AGAP1: variants seen among roughly 807,000 people sequenced by gnomAD.
AGAP1 encodes arf-GAP with GTPase, ANK repeat and PH domain-containing protein 1.
Under a neutral mutation model 105.3 loss-of-function variants are expected in AGAP1, and 29 were observed. The observed-to-expected ratio is 0.28, with a 90% CI of 0.21 to 0.38. The LOEUF is 0.38. AGAP1 is among the 10% of genes least tolerant of loss of function. AGAP1 has a pLI of 1.00. For synonymous variants in AGAP1, 509 were observed against 485.9 expected (o/e 1.05, Z -0.63); for missense variants, 998 against 1,165.1 (o/e 0.86, Z 2.09).
At position 236,082,468 on chromosome 2, in the gene AGAP1, AG is replaced by A. The variant is rs2125839070; in HGVS notation, c.2114+33188del. Reference sequence around the variant, plus strand: ...TGCCCATTTGATCTCTCAGGGAGGGAGAGCTTTTCCTAAGCATCGATCCCCT... The same window carrying A: ...TGCCCATTTGATCTCTCAGGGAGGGAAGCTTTTCCTAAGCATCGATCCCCT... On this transcript the variant is annotated intron_variant, in intron 16 of 17. Transcript: ENST00000304032. This position sits in a 1 kb window ranked among gnomAD's most constrained non-coding sequence, Gnocchi z 4.2. Among the ~76,000 whole-genome samples, 1 of 151,092 alleles carries A rather than the reference AG, an allele frequency of 6.6e-6. No individual in the cohort carries two copies. The highest frequency in any genetic ancestry group is 1.9e-4 in the East Asian group (1 of 5,168).
At chr2:235,972,819 G>A (rs1291737523) in intron 13 of AGAP1, among the ~76,000 whole-genome samples, 1 of 152,184 alleles carries the variant, frequency 6.6e-6, no homozygotes, top group Non-Finnish European at 1.5e-5. Flanking sequence ...TCTGTTGGTG[G>A]TCCACAAACA....
At chr2:235,710,570 C>T (rs931796765) in intron 2 of AGAP1, among the ~76,000 whole-genome samples, 6 of 152,250 alleles carry the variant, frequency 3.9e-5, no homozygotes, top group African/African-American at 1.4e-4. Context: ...CAAAGCGTCT[C>T]TCAGTCCTAG....
chr2:235,770,756 A>G (rs143155919), intron 6 of AGAP1, among the ~76,000 whole-genome samples: 367 of 152,332 alleles, frequency 2.4e-3, no homozygotes, highest in Non-Finnish European at 4.5e-3. Context: ...TGCTAGGATA[A>G]TTAAGCTCAA....
intron 13 of AGAP1, among the ~76,000 whole-genome samples, chr2:236,033,154 A>C (rs2057277224): frequency 6.6e-6 from 1 of 152,178 alleles, no homozygotes; most frequent in Admixed American, 6.5e-5. Flanking sequence ...CTGAGGCAGG[A>C]GAATCGCTTG....
In AGAP1 at chr2:236,127,317, T is replaced by G. The variant is rs1457565071; in HGVS notation, c.*3195T>G. ...CTGGTCCCTGGTCCCTCTCTCTGTT[T>G]CATCCCAGGAAATGAGCAGCTCGAG... On this transcript the variant is annotated 3_prime_UTR_variant, in exon 18 of 18. Transcript: ENST00000304032. This position sits in a 1 kb window ranked among gnomAD's most constrained non-coding sequence, Gnocchi z 6.6. The G allele has an allele frequency of 1.3e-5, 2 of 152,182 alleles. No individual in the cohort carries two copies. The allele number at this position is 152,182 out of a possible 1,614,324, so 9.4% of individuals were successfully genotyped here.
At chr2:235,674,521 T>C (rs1163005470) in intron 1 of AGAP1, among the ~76,000 whole-genome samples, 3 of 152,218 alleles carry the variant, frequency 2.0e-5, no homozygotes, top group Non-Finnish European at 4.4e-5. Context: ...TCTCTTGCTG[T>C]CTGGGAGGAT....
Position 235,720,382 on chromosome 2 carries a change from G to T in AGAP1, c.310+2738G>T, listed in dbSNP as rs11694745. ...ACTATCAAAGGGATGTGTTGTCCTC[G>T]GGGAGTGCTGGAGGCTGACAAAGCT... On this transcript the variant is annotated intron_variant, in intron 3 of 17. Coordinates refer to ENST00000304032, the MANE Select transcript of AGAP1 (RefSeq NM_001037131.3). This position sits in a 1 kb window ranked among gnomAD's most constrained non-coding sequence, Gnocchi z 5.0. Among the ~76,000 whole-genome samples, 26 of 152,190 alleles carry T rather than the reference G, an allele frequency of 1.7e-4. No individual in the cohort carries two copies. The highest frequency in any genetic ancestry group is 2.6e-4 in the Admixed American group (4 of 15,290).
At chr2:235,840,649 T>C (rs2106390624) in intron 9 of AGAP1, among the ~76,000 whole-genome samples, 1 of 152,220 alleles carries the variant, frequency 6.6e-6, no homozygotes, top group Middle Eastern at 3.4e-3. Flanking sequence ...TGGTGGGCTC[T>C]CAGAGTTGGG....
chr2:236,100,101 A>G (rs1022987784), intron 16 of AGAP1, among the ~76,000 whole-genome samples: 64 of 149,634 alleles, frequency 4.3e-4, no homozygotes, highest in African/African-American at 1.5e-3. Flanking sequence ...GCCCCTTCTG[A>G]GCACTGGGCC....
intron 16 of AGAP1, among the ~76,000 whole-genome samples, chr2:236,079,278 G>A (rs997549168): frequency 1.4e-5 from 2 of 146,748 alleles, no homozygotes; most frequent in African/African-American, 5.2e-5. Context: ...CCAGCACTTT[G>A]GGAGGCCAAG....
intron 12 of AGAP1, among the ~76,000 whole-genome samples, chr2:235,966,558 T>C (rs527858046): frequency 6.6e-6 from 1 of 152,284 alleles, no homozygotes; most frequent in African/African-American, 2.4e-5. Flanking sequence ...GGAAAGTTGC[T>C]GAGACACCGA....
At chr2:235,902,167 G>A (rs1395521845) in intron 10 of AGAP1, among the ~76,000 whole-genome samples, 1 of 152,162 alleles carries the variant, frequency 6.6e-6, no homozygotes, top group African/African-American at 2.4e-5. Context: ...TCAGTCTGTT[G>A]TGATAGGTTG....
intron 12 of AGAP1, among the ~76,000 whole-genome samples, chr2:235,947,050 G>T (rs576781090): frequency 6.6e-6 from 1 of 151,950 alleles, no homozygotes; most frequent in Non-Finnish European, 1.5e-5. Flanking sequence ...TACTTAACTG[G>T]TTGAAATGTG....
chr2:236,005,235 T>C lies in AGAP1; in HGVS notation c.1646-31326T>C, dbSNP rs1559183246. On this transcript the variant is annotated intron_variant, in intron 13 of 17. Transcript: ENST00000304032. The surrounding 1 kb of genome is among the most constrained non-coding windows in gnomAD (Gnocchi z 4.1). ...AATCTTGGCTCTTGCAACCTCCGCC[T>C]CCCAGACTCAAGCGATTCTTGCCCC... is the stretch of plus-strand genomic sequence containing the variant. Among the ~76,000 whole-genome samples the C allele has an allele frequency of 6.6e-6, 1 of 152,120 alleles. No individual in the cohort carries two copies.
intron 15 of AGAP1, 64 bp from the exon 16 acceptor site, chr2:236,048,995 A>G (rs2057813715): frequency 2.0e-6 from 3 of 1,465,246 alleles, no homozygotes; most frequent in Admixed American, 1.8e-5. Context: ...TTGTGTTTCT[A>G]AGAACGGTTG....
At chr2:235,607,836 G>A (rs7564374) in intron 1 of AGAP1, among the ~76,000 whole-genome samples, 92,493 of 152,048 alleles carry the variant, frequency 0.61, 29,374 homozygotes, top group African/African-American at 0.79. Flanking sequence ...ATCGGGGAAC[G>A]TTCTTTGAGG....
rs558511656 is a variant in AGAP1 at position 235,620,589 on chromosome 2, G to T, written c.164-88590G>T. Among the ~76,000 whole-genome samples, 1 of 152,222 alleles carries T rather than the reference G, an allele frequency of 6.6e-6. No homozygotes were observed. The highest frequency in any genetic ancestry group is 1.5e-5 in the Non-Finnish European group (1 of 68,010). Reference sequence around the variant, plus strand: ...CCAGTGTCATTGAGGACCCTCCGTGGCACCTGGCCTTCCTCCCAGCCACAG... The same window carrying T: ...CCAGTGTCATTGAGGACCCTCCGTGTCACCTGGCCTTCCTCCCAGCCACAG... On this transcript the variant is annotated intron_variant, in intron 1 of 17. Transcript: ENST00000304032. This position sits in a 1 kb window ranked among gnomAD's most constrained non-coding sequence, Gnocchi z 4.5.
intron 1 of AGAP1, among the ~76,000 whole-genome samples, chr2:235,583,627 A>T (rs1945008090): frequency 7.0e-6 from 1 of 142,660 alleles, no homozygotes; most frequent in African/African-American, 2.6e-5. Context: ...CTGTAATCCC[A>T]GCACTTTGGG....
chr2:235,901,499 G>A lies in AGAP1; in HGVS notation c.1156-7239G>A, dbSNP rs561566412. Among the ~76,000 whole-genome samples the A allele has an allele frequency of 1.1e-4, 17 of 152,324 alleles. No individual in the cohort carries two copies. The South Asian group carries it at 3.5e-3, about 32-fold the overall frequency. ...CTCCTCCCCGGTTGTGTACATAAAA[G>A]CATACACATGGAGCCAATGGCTGCT... On this transcript the variant is annotated intron_variant, in intron 10 of 17. Transcript: ENST00000304032. This position sits in a 1 kb window ranked among gnomAD's most constrained non-coding sequence, Gnocchi z 4.3.
Sources: gnomAD v4.1 joint callset for allele counts (sites outside exome capture counted in the v4.1 genomes callset) on GRCh38, gnomAD v4.1.1 for gene constraint, Gnocchi (gnomAD v3.1) non-coding constraint, MANE v1.5 for transcripts, NCBI Gene and HGNC (gene_info 2026-07-23, HGNC 2026-07-21) for gene names.